Variants in MYH14 observed in about 807,000 individuals in gnomAD.
The protein encoded by MYH14 is myosin-14.
In MYH14, 123 loss-of-function variants were observed where a neutral mutation model predicts 255.5. That is an observed-to-expected ratio of 0.48 (90% CI 0.42 to 0.56). The LOEUF (loss-of-function observed/expected upper bound fraction) is 0.56. Among genes scored for constraint, MYH14 ranks in the 20% least tolerant of loss-of-function variants. MYH14 has a pLI of 0.00. For synonymous variants in MYH14, 1,095 were observed against 1,161.2 expected (o/e 0.94, Z 1.16); for missense variants, 2,423 against 2,802.3 (o/e 0.86, Z 3.06).
In MYH14 at chr19:50,223,068, C is replaced by T. The variant is rs2032916698; in HGVS notation, c.563-15C>T. 1 of 1,612,462 alleles carries T rather than the reference C, an allele frequency of 6.2e-7. No individual in the cohort carries two copies. Among genetic ancestry groups the T allele is most frequent in the Non-Finnish European group, 8.5e-7 (1 of 1,178,490 alleles). ...CTCTCTCAGATGACATATTCCCCCA[C>T]TCTGTCCCCTACAGATCGTGAGGAC... On this transcript the variant is annotated splice_polypyrimidine_tract_variant and intron_variant, in intron 3 of 42. Transcript: ENST00000642316.
At chr19:50,217,875 C>T (rs1182714493) in intron 3 of MYH14, 104 bp downstream of exon 3, 3 of 1,416,714 alleles carry the variant, frequency 2.1e-6, no homozygotes, top group Non-Finnish European at 2.9e-6. Context: ...AGCTTGTAGA[C>T]TTGACTCTGT....
intron 20 of MYH14, 127 bp downstream of exon 20, chr19:50,260,842 T>TGTGC (rs2034815864): frequency 2.8e-6 from 2 of 710,980 alleles, no homozygotes; most frequent in South Asian, 3.2e-5. Flanking sequence ...CATGCACGTG[T>TGTGC]GTGCGTGTGT....
In MYH14 at chr19:50,280,664, C is replaced by T. The variant is rs567671291; in HGVS notation, c.4290+281C>T. On this transcript the variant is annotated intron_variant, in intron 32 of 42. Coordinates refer to ENST00000642316, the MANE Select transcript of MYH14 (RefSeq NM_001145809.2). This position sits in a 1 kb window ranked among gnomAD's most constrained non-coding sequence, Gnocchi z 4.8. The stretch of plus-strand genomic sequence containing the variant: ...ATCCTCCTCTTGGCCTCTGGGCCTC[C>T]AGCCTCTCCCCTAACAGCTCATCCC... Among the ~76,000 whole-genome samples, 3 of 152,232 alleles carry T rather than the reference C, an allele frequency of 2.0e-5. No individual in the cohort carries two copies. The South Asian group carries it at 6.2e-4, about 32-fold the overall frequency.
At position 50,257,554 on chromosome 19, in the gene MYH14, G is replaced by A. The variant is rs565259249; in HGVS notation, c.2232+68G>A. Reference sequence around the variant, plus strand: ...GGGTTAAGGTTTGGCCTCTGGACTTGGCTGGAGCCACATCTGATTCGAGGA... The same window carrying A: ...GGGTTAAGGTTTGGCCTCTGGACTTAGCTGGAGCCACATCTGATTCGAGGA... On this transcript the variant is annotated intron_variant, in intron 18 of 42. Transcript: ENST00000642316. 40 of 1,466,154 alleles carry A rather than the reference G, an allele frequency of 2.7e-5. No individual in the cohort carries two copies. The East Asian group carries it at 7.9e-4, about 29-fold the overall frequency. The allele number at this position is 1,466,154 out of a possible 1,614,324, so 90.8% of individuals were successfully genotyped here.
chr19:50,244,361 C>T (rs761711591), intron 11 of MYH14, 24 bp downstream of exon 11: 7 of 1,603,920 alleles, frequency 4.4e-6, no homozygotes, highest in Non-Finnish European at 6.0e-6. Context: ...CCTGCCTGCC[C>T]ACGACCTCCA....
Position 50,281,660 on chromosome 19 carries a change from C to T in MYH14, c.4357C>T (p.Arg1453Cys), listed in dbSNP as rs753656288. 5.8e-5 allele frequency: 94 copies of T among 1,608,466 alleles called. No homozygotes were observed. The highest frequency in any genetic ancestry group is 7.0e-5 in the Non-Finnish European group (82 of 1,178,118). ...ACTGGAGGCAGGGGAGGAGGCACGG[C>T]GCCGGGCAGCCCGGGAGGCCGAGGC... ...GALEAGEEARRRAAREAEALT... is the reference protein window; with the variant it reads ...GALEAGEEARCRAAREAEALT... Residue 1453 changes from arginine (R) to cysteine (C), a missense_variant, in exon 33 of 43, where the codon CGC becomes TGC. By Grantham distance (180) the Arg-to-Cys change is radical. This residue lies in a region of MYH14 where 1,513 missense variants were observed against 1,674.8 expected (regional missense o/e 0.90). Coordinates refer to ENST00000642316, the MANE Select transcript of MYH14 (RefSeq NM_001145809.2).
chr19:50,224,798 A>T (rs1173488398), intron 6 of MYH14: 2 of 456,374 alleles, frequency 4.4e-6, no homozygotes, highest in South Asian at 3.1e-5. Context: ...GGTGGTACAG[A>T]TTTTTGCCTT....
At chr19:50,243,242 C>G (rs1035456302) in intron 10 of MYH14, among the ~76,000 whole-genome samples, 2 of 152,088 alleles carry the variant, frequency 1.3e-5, no homozygotes, top group African/African-American at 4.8e-5. Context: ...TCAAGACCAG[C>G]CTGGCCAACA....
chr19:50,297,655 T>A (rs1311415981), intron 39 of MYH14, among the ~76,000 whole-genome samples: 1 of 145,306 alleles, frequency 6.9e-6, no homozygotes, highest in East Asian at 2.0e-4. Flanking sequence ...CACCACCACA[T>A]CTGGCTAATT....
intron 18 of MYH14, chr19:50,258,337 T>TAA (rs2034670569): frequency 1.3e-5 from 2 of 152,194 alleles, no homozygotes. Context: ...ATTACCAGTC[T>TAA]TTTTCCTTTC....
intron 29 of MYH14, 122 bp from the exon 30 acceptor site, chr19:50,277,961 C>A: frequency 1.6e-6 from 1 of 638,676 alleles, no homozygotes; most frequent in Non-Finnish European, 2.3e-6. Context: ...GCTATTTGTT[C>A]ACTGGGAGAA....
At position 50,281,460 on chromosome 19, in the gene MYH14, A is replaced by C. The variant is rs1204178396; in HGVS notation, c.4291-134A>C. 5 of 1,312,826 alleles carry C rather than the reference A, an allele frequency of 3.8e-6. No individual in the cohort carries two copies. The Admixed American group carries it at 1.3e-4, about 35-fold the overall frequency. The allele number at this position is 1,312,826 out of a possible 1,614,324, so 81.3% of individuals were successfully genotyped here. A position where few individuals can be genotyped will look rare whatever the true frequency, so the allele number is the denominator to read the frequency against. On this transcript the variant is annotated intron_variant, in intron 32 of 42. Transcript: ENST00000642316. ...TCACAACTTCACACCACTCAGAGGCAGAAGAGCCCAGCAGAATGACCCCTT... is the reference window on the plus strand; with the variant it reads ...TCACAACTTCACACCACTCAGAGGCCGAAGAGCCCAGCAGAATGACCCCTT...
In MYH14 at chr19:50,292,316, A is replaced by G; in HGVS notation, c.5183A>G (p.Glu1728Gly). ...GAGGAGACACGCACCTCCCGGGAGG[A>G]GATCTTCTCCCAGAATCGGGAAAGT... ...EVEETRTSRE[E>G]IFSQNRESEK... is the part of the protein sequence containing the mutation. The change falls in exon 37 of 43, where the codon GAG becomes GGG. Residue 1728 changes from glutamate (E) to glycine (G), a missense_variant. By Grantham distance (98) the Glu-to-Gly change is moderately conservative (BLOSUM62 -2). Transcript: ENST00000642316. The G allele has an allele frequency of 6.3e-7, 1 of 1,598,654 alleles. No individual in the cohort carries two copies. Among genetic ancestry groups the G allele is most frequent in the Non-Finnish European group, 8.5e-7 (1 of 1,173,316 alleles).
At chr19:50,268,713 TC>T (rs1353026877) in intron 24 of MYH14, among the ~76,000 whole-genome samples, 2 of 152,070 alleles carry the variant, frequency 1.3e-5, no homozygotes, top group Non-Finnish European at 2.9e-5. Context: ...CTAAGTGATG[TC>T]CTCAGCTTCA....
chr19:50,231,663 T>C lies in MYH14; in HGVS notation c.974-267T>C, dbSNP rs561771782. Among the ~76,000 whole-genome samples, 3 of 151,826 alleles carry C rather than the reference T, an allele frequency of 2.0e-5. No individual in the cohort carries two copies. The South Asian group carries it at 6.3e-4, about 32-fold the overall frequency. ...AGGAGTTTGAGGCTGTGGTGAGCCA[T>C]GATTGCATCACTGCACTGCAGCCTG... On this transcript the variant is annotated intron_variant, in intron 9 of 42. Coordinates refer to ENST00000642316, the MANE Select transcript of MYH14 (RefSeq NM_001145809.2).
Position 50,276,168 on chromosome 19 carries a change from C to T in MYH14, c.3645C>T (p.Asp1215=). Residue 1215 remains aspartate, a synonymous_variant, in exon 28 of 43, where the codon GAC becomes GAT. Coordinates refer to ENST00000642316, the MANE Select transcript of MYH14 (RefSeq NM_001145809.2). The surrounding 1 kb of genome is among the most constrained non-coding windows in gnomAD (Gnocchi z 4.3). ...ELEALRGELE[D]TLDSTNAQQE... Reference sequence around the variant, plus strand: ...AGGCGCTGCGGGGCGAGCTGGAGGACACGCTGGACTCCACCAACGCACAGC... The same window carrying T: ...AGGCGCTGCGGGGCGAGCTGGAGGATACGCTGGACTCCACCAACGCACAGC... 1 of 1,556,992 alleles carries T rather than the reference C, an allele frequency of 6.4e-7. No homozygotes were observed. The highest frequency in any genetic ancestry group is 8.7e-7 in the Non-Finnish European group (1 of 1,152,160).
chr19:50,231,806 G>A, intron 9 of MYH14, 124 bp from the exon 10 acceptor site: 1 of 1,362,642 alleles, frequency 7.3e-7, no homozygotes, highest in African/African-American at 1.4e-5. Context: ...ACACTTGTGA[G>A]TAAAGGCCCC....
intron 30 of MYH14, 130 bp from the exon 31 acceptor site, chr19:50,279,907 T>A (rs1273179896): frequency 1.3e-6 from 1 of 744,560 alleles, no homozygotes; most frequent in East Asian, 2.7e-5. Context: ...CATCTGTGGA[T>A]CTGCCAGACT....
chr19:50,270,691 A>T (rs1417849588), intron 24 of MYH14, among the ~76,000 whole-genome samples: 3 of 103,984 alleles, frequency 2.9e-5, no homozygotes, highest in African/African-American at 7.6e-5. Flanking sequence ...AAAATTATTT[A>T]TTATTTATTT....
Sources: gnomAD v4.1 joint callset for allele counts (sites outside exome capture counted in the v4.1 genomes callset) on GRCh38, gnomAD v4.1.1 for gene constraint, gnomAD v4.1.1 regional missense constraint, Gnocchi (gnomAD v3.1) non-coding constraint, MANE v1.5 for transcripts, NCBI Gene and HGNC (gene_info 2026-07-23, HGNC 2026-07-21) for gene names.